Variants in ZMYM4 observed in about 807,000 individuals in gnomAD.
The protein encoded by ZMYM4 is zinc finger MYM-type containing 4, also known as zinc finger MYM-type protein 4.
In ZMYM4, 31 loss-of-function variants were observed where a neutral mutation model predicts 183.2. The ratio of observed to expected loss-of-function variants is 0.17; its 90% CI spans 0.13 to 0.23. ZMYM4 has a LOEUF of 0.23. ZMYM4 is among the 10% of genes least tolerant of loss of function. The pLI, the probability that ZMYM4 is intolerant of heterozygous loss-of-function variation, is 1.00. For synonymous variants in ZMYM4, 592 were observed against 631.2 expected, an observed-to-expected ratio of 0.94 and a Z score of 0.93; for missense variants, 1,273 against 1,840.3, an observed-to-expected ratio of 0.69 and a Z score of 5.64.
At chr1:35,362,912 C>G (rs1643975587) in intron 5 of ZMYM4, among the ~76,000 whole-genome samples, 1 of 152,192 alleles carries the variant, frequency 6.6e-6, no homozygotes, top group Non-Finnish European at 1.5e-5. Context: ...TGGCTCACGC[C>G]TGTCATCCCA....
chr1:35,354,727 TAAA>T (rs57493035), intron 2 of ZMYM4, among the ~76,000 whole-genome samples: 982 of 83,990 alleles, frequency 0.012, 15 homozygotes, highest in South Asian at 0.036. Flanking sequence ...ACTTTGTCTT[TAAA>T]AAAAAAAAAA....
intron 2 of ZMYM4, among the ~76,000 whole-genome samples, chr1:35,327,211 T>C (rs1355107784): frequency 2.6e-5 from 4 of 152,214 alleles, no homozygotes; most frequent in East Asian, 3.9e-4. Context: ...TGAAATGTTA[T>C]TAGAGGACCT....
intron 2 of ZMYM4, among the ~76,000 whole-genome samples, chr1:35,358,391 A>C (rs1643876198): frequency 6.6e-6 from 1 of 152,164 alleles, no homozygotes; most frequent in African/African-American, 2.4e-5. Context: ...TAGTGCAGAG[A>C]AAATGGGACT....
intron 7 of ZMYM4, among the ~76,000 whole-genome samples, chr1:35,373,379 T>TC (rs925235655): frequency 2.9e-5 from 4 of 140,146 alleles, no homozygotes; most frequent in Non-Finnish European, 4.5e-5. Context: ...TTTTTTTTTT[T>TC]CTTTTTTTTT....
At position 35,397,370 on chromosome 1, in the gene ZMYM4, C is replaced by G; in HGVS notation, c.3031-7C>G. ...AGAAAGCCTTCAGTCTATCCTTGGT[C>G]TTTCAGATGCCTGTCCCTATGCTTA... is the stretch of plus-strand genomic sequence containing the variant. On this transcript the variant is annotated splice_polypyrimidine_tract_variant and splice_region_variant and intron_variant, in intron 19 of 29. Transcript: ENST00000314607. The G allele has an allele frequency of 6.4e-7, 1 of 1,572,440 alleles. No homozygotes were observed. The highest frequency in any genetic ancestry group is 8.6e-7 in the Non-Finnish European group (1 of 1,160,522).
In ZMYM4 at chr1:35,412,159, A is replaced by G. The variant is rs12568932; in HGVS notation, c.3949-1813A>G. ...CTCCCAAAGTGCTGGGATTACAGGC[A>G]TGAGCCACCGCACCTGGCGGGACTT... On this transcript the variant is annotated intron_variant, in intron 26 of 29. Coordinates refer to ENST00000314607, the MANE Select transcript of ZMYM4 (RefSeq NM_005095.3). Among the ~76,000 whole-genome samples the G allele has an allele frequency of 4.5e-3, 680 of 151,302 alleles. 5 individuals carry two copies. Among genetic ancestry groups the G allele is most frequent in the African/African-American group, 0.011 (458 of 40,804 alleles).
chr1:35,293,456 G>A (rs922549115), intron 1 of ZMYM4, among the ~76,000 whole-genome samples: 17 of 151,948 alleles, frequency 1.1e-4, no homozygotes, highest in Admixed American at 2.6e-4. Context: ...TGAGATTACA[G>A]GCAATGCGCC....
At chr1:35,284,600 T>C (rs970639672) in intron 1 of ZMYM4, among the ~76,000 whole-genome samples, 1 of 152,234 alleles carries the variant, frequency 6.6e-6, no homozygotes, top group Non-Finnish European at 1.5e-5. Flanking sequence ...GACCATCGTA[T>C]CAGTTTGGGC....
intron 1 of ZMYM4, among the ~76,000 whole-genome samples, chr1:35,314,393 T>G (rs1245035325): frequency 6.6e-6 from 1 of 151,936 alleles, no homozygotes; most frequent in Admixed American, 6.6e-5. Context: ...CCAGCGATTC[T>G]CCTGCCTCAG....
At position 35,352,285 on chromosome 1, in the gene ZMYM4, A is replaced by G. The variant is rs890035483; in HGVS notation, c.86-6640A>G. ...CGCGCGCGCGCACACACACACACAC[A>G]CACACACACACACACACACACACAG... On this transcript the variant is annotated intron_variant, in intron 2 of 29. Coordinates refer to ENST00000314607, the MANE Select transcript of ZMYM4 (RefSeq NM_005095.3). Among the ~76,000 whole-genome samples the G allele has an allele frequency of 7.4e-4, 111 of 149,196 alleles. 2 individuals are homozygous for G. Among genetic ancestry groups the G allele is most frequent in the African/African-American group, 2.4e-3 (95 of 39,352 alleles).
At position 35,302,181 on chromosome 1, in the gene ZMYM4, A is replaced by C. The variant is rs141619564; in HGVS notation, c.40-23179A>C. On this transcript the variant is annotated intron_variant, in intron 1 of 29. Transcript: ENST00000314607. The stretch of plus-strand genomic sequence containing the variant: ...GGTAGCCTATTTTTGTATTATCCAC[A>C]AGCTAAAAACGGCTCTTGCTTTTTT... Among the ~76,000 whole-genome samples, 319 of 145,176 alleles carry C rather than the reference A, an allele frequency of 2.2e-3. 1 individual carries two copies. Among genetic ancestry groups the C allele is most frequent in the African/African-American group, 7.3e-3 (284 of 38,656 alleles).
intron 1 of ZMYM4, 135 bp from the exon 2 acceptor site, chr1:35,325,225 A>C: frequency 1.4e-6 from 1 of 698,664 alleles, no homozygotes; most frequent in East Asian, 3.2e-5. Context: ...CTATTTGGCA[A>C]TGTTTTTGTT....
At chr1:35,310,752 A>C (rs902991587) in intron 1 of ZMYM4, among the ~76,000 whole-genome samples, 3 of 151,542 alleles carry the variant, frequency 2.0e-5, no homozygotes, top group Non-Finnish European at 4.4e-5. Flanking sequence ...CTAATTTTAT[A>C]TTTTTAGTAG....
intron 1 of ZMYM4, among the ~76,000 whole-genome samples, chr1:35,322,824 G>T (rs1642342225): frequency 6.6e-6 from 1 of 151,794 alleles, no homozygotes; most frequent in Non-Finnish European, 1.5e-5. Context: ...CAAGTAGCTG[G>T]GATTACAGGT....
intron 1 of ZMYM4, among the ~76,000 whole-genome samples, chr1:35,284,271 C>T (rs1053699024): frequency 1.2e-4 from 18 of 152,290 alleles, no homozygotes; most frequent in Non-Finnish European, 2.2e-4. Flanking sequence ...CCACCGCGCC[C>T]GGCCAAAAGT....
At chr1:35,370,151 CTGACCAATATGAA>C (rs774257411) in intron 6 of ZMYM4, 38 bp downstream of exon 6, 1 of 1,597,062 alleles carries the variant, frequency 6.3e-7, no homozygotes, top group South Asian at 1.1e-5. Flanking sequence ...TGTGTATGTT[CTGACCAATATGAA>C]TGAGAAGAAA....
chr1:35,337,810 G>C (rs982807199), intron 2 of ZMYM4, among the ~76,000 whole-genome samples: 1 of 152,036 alleles, frequency 6.6e-6, no homozygotes, highest in East Asian at 1.9e-4. Flanking sequence ...GTGGTGGCAG[G>C]CACCTGCAAT....
intron 2 of ZMYM4, among the ~76,000 whole-genome samples, chr1:35,357,388 G>A (rs1433840254): frequency 1.3e-5 from 2 of 152,114 alleles, no homozygotes; most frequent in African/African-American, 2.4e-5. Flanking sequence ...TTTAGTCTTC[G>A]CCTCACTCTA....
In ZMYM4 at chr1:35,389,873, A is replaced by G; in HGVS notation, c.2437-75A>G. The G allele has an allele frequency of 6.7e-7, 1 of 1,487,928 alleles. No homozygotes were observed. The highest frequency in any genetic ancestry group is 1.4e-5 in the African/African-American group (1 of 70,826). 92.2% of individuals were successfully genotyped at this position (1,487,928 alleles called of 1,614,324 possible). A position where few individuals can be genotyped will look rare whatever the true frequency, so the allele number is the denominator to read the frequency against. ...TTCTAAGTTAATTTCGTCACTTGTT[A>G]TGTGTGTCTTATTTTTATTTTGTCA... On this transcript the variant is annotated intron_variant, in intron 14 of 29. Transcript: ENST00000314607. The surrounding 1 kb of genome is among the most constrained non-coding windows in gnomAD (Gnocchi z 4.0).
Sources: gnomAD v4.1 joint callset for allele counts (sites outside exome capture counted in the v4.1 genomes callset) on GRCh38, gnomAD v4.1.1 for gene constraint, Gnocchi (gnomAD v3.1) non-coding constraint, MANE v1.5 for transcripts, NCBI Gene and HGNC (gene_info 2026-07-23, HGNC 2026-07-21) for gene names.